LAMA2: variants seen among roughly 807,000 people sequenced by gnomAD.
LAMA2 encodes laminin subunit alpha 2, also known as laminin subunit alpha-2.
Under a neutral mutation model 364.8 loss-of-function variants are expected in LAMA2, and 269 were observed. The ratio of observed to expected loss-of-function variants is 0.74; its 90% confidence interval spans 0.67 to 0.82. The LOEUF is 0.82. Among genes scored for constraint, LAMA2 ranks in the 40% least tolerant of loss-of-function variants. The probability of loss-of-function intolerance (pLI) is 0.00; values close to 1 mark genes in which losing one functional copy is unlikely to be tolerated. For missense variants in LAMA2, 3,807 were observed against 3,873.2 expected (o/e 0.98, Z 0.45); for synonymous variants, 1,379 against 1,370.6 (o/e 1.01, Z -0.14).
chr6:129,177,243 G>A (rs966580805), intron 9 of LAMA2, among the ~76,000 whole-genome samples: 14 of 152,234 alleles, frequency 9.2e-5, no homozygotes, highest in East Asian at 5.8e-4. Flanking sequence ...TGTTCTTAGA[G>A]TATCATTGTT....
At chr6:128,890,310 A>T (rs1022174845) in intron 1 of LAMA2, among the ~76,000 whole-genome samples, 7 of 152,270 alleles carry the variant, frequency 4.6e-5, no homozygotes, top group African/African-American at 1.4e-4. Flanking sequence ...ACAAACAAAA[A>T]TTCCAATGCT....
rs569639669 is a variant in LAMA2, at chr6:129,441,199, T to C, written c.6268+201T>C. ...GTCTTCTAGCTCTGCCCCGGTGCTT[T>C]TTTCCTCTGAAATTTTTCCAGTTGA... On this transcript the variant is annotated intron_variant, in intron 43 of 64. Transcript: ENST00000421865. 3.3e-5 allele frequency among the ~76,000 whole-genome samples: 5 copies of C among 152,274 alleles called. No individual in the cohort carries two copies. In the South Asian group the frequency reaches 1.0e-3, roughly 32 times the overall value.
Position 129,224,256 on chromosome 6 carries a change from G to A in LAMA2, c.1783-25856G>A, listed in dbSNP as rs550569442. Among the ~76,000 whole-genome samples the A allele has an allele frequency of 2.0e-5, 3 of 152,288 alleles. No individual in the cohort carries two copies. In the South Asian group the frequency reaches 6.2e-4, roughly 32 times the overall value. ...TTAGGAGATTTTGGGCTGAGACAATGGGGTTTTCTAAATATACAATTATGT... is the reference window on the plus strand; with the variant it reads ...TTAGGAGATTTTGGGCTGAGACAATAGGGTTTTCTAAATATACAATTATGT... On this transcript the variant is annotated intron_variant, in intron 12 of 64. Coordinates refer to ENST00000421865, the MANE Select transcript of LAMA2 (RefSeq NM_000426.4).
In LAMA2 at chr6:129,369,994, A is replaced by G; in HGVS notation, c.4959+4A>G. The G allele has an allele frequency of 6.2e-7, 1 of 1,612,402 alleles. No homozygotes were observed. Among genetic ancestry groups the G allele is most frequent in the East Asian group, 2.2e-5 (1 of 44,856 alleles). ...AATGAACGAGCTGCTGACCAGGGTA[A>G]GGTGGCAAAATTATGAATCTTCTGA... On this transcript the variant is annotated splice_donor_region_variant and intron_variant, in intron 34 of 64. Coordinates refer to ENST00000421865, the MANE Select transcript of LAMA2 (RefSeq NM_000426.4).
chr6:129,054,390 C>A (rs1562195269), intron 2 of LAMA2, among the ~76,000 whole-genome samples: 1 of 152,088 alleles, frequency 6.6e-6, no homozygotes, highest in Non-Finnish European at 1.5e-5. Flanking sequence ...GTTTCAGGTT[C>A]ATTAGGCAAG....
At chr6:129,233,465 C>T (rs1295760490) in intron 12 of LAMA2, among the ~76,000 whole-genome samples, 1 of 152,094 alleles carries the variant, frequency 6.6e-6, no homozygotes, top group Non-Finnish European at 1.5e-5. Context: ...TGTATATATG[C>T]TGTATTCTTA....
At chr6:128,950,399 G>A (rs1006073188) in intron 1 of LAMA2, among the ~76,000 whole-genome samples, 1 of 152,186 alleles carries the variant, frequency 6.6e-6, no homozygotes, top group Non-Finnish European at 1.5e-5. Flanking sequence ...GGCAGGAAAA[G>A]AGAAGACAAA....
chr6:128,940,601 A>G (rs886412163), intron 1 of LAMA2, among the ~76,000 whole-genome samples: 1 of 152,206 alleles, frequency 6.6e-6, no homozygotes, highest in African/African-American at 2.4e-5. Context: ...GTTTACCTTC[A>G]ATGACTGAAA....
At position 129,445,780 on chromosome 6, in the gene LAMA2, A is replaced by T; in HGVS notation, c.6388A>T (p.Ile2130Leu). The T allele has an allele frequency of 4.3e-6, 7 of 1,613,842 alleles. No homozygotes were observed. The highest frequency in any genetic ancestry group is 5.9e-6 in the Non-Finnish European group (7 of 1,179,798). Reference protein sequence around the residue: ...EDNLKKNISEIKELINQARKQ... With the variant: ...EDNLKKNISELKELINQARKQ... ...TAACCTAAAGAAAAACATCTCTGAG[A>T]TAAAGGAATTGATAAACCAAGCTCG... Residue 2130 changes from isoleucine (I) to leucine (L), a missense_variant, in exon 45 of 65, where the codon ATA (isoleucine) becomes TTA (leucine). By Grantham distance (5) the Ile-to-Leu change is conservative. Around this residue, in one of 3 missense-constraint regions of LAMA2, gnomAD observed 3,333 missense variants for 3,345.7 expected, o/e 1.00. Coordinates refer to ENST00000421865, the MANE Select transcript of LAMA2 (RefSeq NM_000426.4).
Position 129,312,859 on chromosome 6 carries a change from A to G in LAMA2, c.3175-2A>G, listed in dbSNP as rs773288301. 6.2e-7 allele frequency: 1 copy of G among 1,608,112 alleles called. No individual in the cohort carries two copies. The highest frequency in any genetic ancestry group is 1.1e-5 in the South Asian group (1 of 90,944). On this transcript the variant is annotated splice_acceptor_variant, in intron 22 of 64. Coordinates refer to ENST00000421865, the MANE Select transcript of LAMA2 (RefSeq NM_000426.4). LOFTEE classifies it high-confidence loss of function. ...TGGTTGCTGTTTTTATCTCCTCTAT[A>G]GGCTTGTAACTGCAGCACAGTGGGA...
chr6:128,909,947 G>C (rs1352057364), intron 1 of LAMA2, among the ~76,000 whole-genome samples: 1 of 151,972 alleles, frequency 6.6e-6, no homozygotes, highest in Non-Finnish European at 1.5e-5. Context: ...TTTTCTTTAA[G>C]AATGTTGAAT....
chr6:128,951,435 G>C (rs1052803187), intron 1 of LAMA2, among the ~76,000 whole-genome samples: 3 of 151,968 alleles, frequency 2.0e-5, no homozygotes, highest in Non-Finnish European at 4.4e-5. Flanking sequence ...TTGGAGCATG[G>C]GGACCCCCTT....
In LAMA2 at chr6:129,046,650, C is replaced by T. The variant is rs1053184519; in HGVS notation, c.113-3268C>T. 2.0e-5 allele frequency among the ~76,000 whole-genome samples: 3 copies of T among 152,122 alleles called. No homozygotes were observed. The South Asian group carries it at 6.2e-4, about 31-fold the overall frequency. ...ACCATTATGTTTATTCAATGTGTAA[C>T]CTATATGTATCTGTATCTATAGCCA... On this transcript the variant is annotated intron_variant, in intron 1 of 64. Transcript: ENST00000421865.
chr6:129,509,276 T>G (rs1048104829), intron 62 of LAMA2, among the ~76,000 whole-genome samples: 1 of 152,210 alleles, frequency 6.6e-6, no homozygotes, highest in Non-Finnish European at 1.5e-5. Context: ...ATGGGTAGTT[T>G]GCAAATATTT....
intron 1 of LAMA2, among the ~76,000 whole-genome samples, chr6:129,027,441 G>A (rs1785903081): frequency 6.6e-6 from 1 of 152,040 alleles, no homozygotes; most frequent in South Asian, 2.1e-4. Flanking sequence ...GAATGAAACT[G>A]TGTTTGATAA....
chr6:129,147,968 C>T (rs1157037417), intron 6 of LAMA2, among the ~76,000 whole-genome samples: 1 of 151,746 alleles, frequency 6.6e-6, no homozygotes, highest in Non-Finnish European at 1.5e-5. Context: ...GATACTCGTG[C>T]ACAACATGCA....
chr6:129,264,639 G>A (rs1703527244), intron 15 of LAMA2, among the ~76,000 whole-genome samples: 1 of 152,106 alleles, frequency 6.6e-6, no homozygotes, highest in South Asian at 2.1e-4. Flanking sequence ...CTGACGTTAA[G>A]AAGCAGGGTC....
At chr6:128,918,518 C>T (rs774319140) in intron 1 of LAMA2, among the ~76,000 whole-genome samples, 4 of 152,024 alleles carry the variant, frequency 2.6e-5, no homozygotes, top group Non-Finnish European at 5.9e-5. Flanking sequence ...CTGAATTTTT[C>T]GTCTTCTACT....
intron 1 of LAMA2, among the ~76,000 whole-genome samples, chr6:128,915,021 C>A (rs1778225332): frequency 6.6e-6 from 1 of 152,044 alleles, no homozygotes; most frequent in African/African-American, 2.4e-5. Context: ...TTAGCCAGAC[C>A]TATTTATGAG....
Sources: gnomAD v4.1 joint callset for allele counts (sites outside exome capture counted in the v4.1 genomes callset) on GRCh38, gnomAD v4.1.1 for gene constraint, gnomAD v4.1.1 regional missense constraint, MANE v1.5 for transcripts, NCBI Gene and HGNC (gene_info 2026-07-23, HGNC 2026-07-21) for gene names.